RALGAPA2: variants seen among roughly 807,000 people sequenced by gnomAD.
RALGAPA2 encodes ral GTPase-activating protein subunit alpha-2.
RALGAPA2 carries 139 observed loss-of-function variants against 230.4 expected under a neutral mutation model. That is an observed-to-expected ratio of 0.60 (90% CI 0.53 to 0.69). RALGAPA2 has a LOEUF of 0.69. RALGAPA2 is among the 30% of genes least tolerant of loss of function. The pLI is 0.00. For missense variants in RALGAPA2, 2,163 were observed against 2,276.0 expected (o/e 0.95, Z 1.01); for synonymous variants, 847 against 837.8 (o/e 1.01, Z -0.19).
chr20:20,627,039 C>T (rs890271013), intron 10 of RALGAPA2, among the ~76,000 whole-genome samples: 3 of 152,142 alleles, frequency 2.0e-5, no homozygotes, highest in Non-Finnish European at 4.4e-5. Context: ...AATATGACAA[C>T]ATTAATGTAG....
Position 20,451,382 on chromosome 20 carries a change from T to A in RALGAPA2, c.5495+21447A>T, listed in dbSNP as rs2060985307. Among the ~76,000 whole-genome samples, 3 of 152,190 alleles carry A rather than the reference T, an allele frequency of 2.0e-5. No homozygotes were observed. In the South Asian group the frequency reaches 6.2e-4, roughly 32 times the overall value. ...CTCCCCAAAAGACATCTTTTGGGCT[T>A]CCAAAAAGTAATCTATTTTTAAAAA... On this transcript the variant is annotated intron_variant, in intron 37 of 39. Transcript: ENST00000202677.
intron 37 of RALGAPA2, among the ~76,000 whole-genome samples, chr20:20,414,947 G>A (rs142172617): frequency 2.6e-5 from 4 of 152,330 alleles, no homozygotes; most frequent in Admixed American, 2.6e-4. Context: ...ATACATTTTC[G>A]CTCATGGCCC....
chr20:20,490,214 A>C (rs573053688), intron 36 of RALGAPA2, among the ~76,000 whole-genome samples: 23 of 152,312 alleles, frequency 1.5e-4, no homozygotes, highest in African/African-American at 4.6e-4. Context: ...AAAAGGAATA[A>C]TACAAATCCC....
intron 3 of RALGAPA2, among the ~76,000 whole-genome samples, chr20:20,661,774 A>C (rs1168714714): frequency 6.6e-6 from 1 of 152,174 alleles, no homozygotes; most frequent in East Asian, 1.9e-4. Context: ...GACTGACAAT[A>C]AAATACAGAA....
At chr20:20,427,255 C>G (rs1319925629) in intron 37 of RALGAPA2, among the ~76,000 whole-genome samples, 3 of 152,224 alleles carry the variant, frequency 2.0e-5, no homozygotes, top group African/African-American at 4.8e-5. Flanking sequence ...TGAAAGAAAA[C>G]TTACTGTGTT....
chr20:20,437,711 G>A lies in RALGAPA2; in HGVS notation c.5496-25563C>T, dbSNP rs2060646364. Among the ~76,000 whole-genome samples the A allele has an allele frequency of 6.6e-6, 1 of 152,220 alleles. No individual in the cohort carries two copies. Among genetic ancestry groups the A allele is most frequent in the Admixed American group, 6.5e-5 (1 of 15,288 alleles). ...ATGCCAGCTTTTCTCAGGAGGCACT[G>A]TGATCCAGACCCTTCATTCTCCTTT... On this transcript the variant is annotated intron_variant, in intron 37 of 39. Transcript: ENST00000202677. The surrounding 1 kb of genome is among the most constrained non-coding windows in gnomAD (Gnocchi z 4.1).
At chr20:20,551,208 A>T (rs1442152562) in intron 23 of RALGAPA2, among the ~76,000 whole-genome samples, 1 of 152,266 alleles carries the variant, frequency 6.6e-6, no homozygotes, top group Non-Finnish European at 1.5e-5. Context: ...TTTTATAGCA[A>T]GAATTAGTTT....
chr20:20,447,868 C>A (rs900192126), intron 37 of RALGAPA2, among the ~76,000 whole-genome samples: 4 of 152,166 alleles, frequency 2.6e-5, no homozygotes, highest in Admixed American at 2.6e-4. Flanking sequence ...GTGTAGCCAG[C>A]AATGTGCCAG....
At chr20:20,423,735 T>A (rs1051262117) in intron 37 of RALGAPA2, among the ~76,000 whole-genome samples, 3 of 152,180 alleles carry the variant, frequency 2.0e-5, no homozygotes, top group African/African-American at 7.2e-5. Flanking sequence ...AATAAATGAA[T>A]CATTGAAAGT....
intron 16 of RALGAPA2, among the ~76,000 whole-genome samples, chr20:20,597,993 T>C (rs986006446): frequency 2.0e-5 from 3 of 152,202 alleles, no homozygotes; most frequent in African/African-American, 7.2e-5. Context: ...GGCCTAATTA[T>C]TCAATATAGA....
At chr20:20,547,004 C>G (rs2063790925) in intron 23 of RALGAPA2, among the ~76,000 whole-genome samples, 172 bp from the exon 24 acceptor site, 1 of 152,096 alleles carries the variant, frequency 6.6e-6, no homozygotes, top group South Asian at 2.1e-4. Context: ...GATTACTGTA[C>G]CCATTTTAAA....
intron 10 of RALGAPA2, among the ~76,000 whole-genome samples, chr20:20,625,405 CT>C (rs1332839562): frequency 6.6e-6 from 1 of 152,138 alleles, no homozygotes; most frequent in Non-Finnish European, 1.5e-5. Flanking sequence ...TACAGAGAGA[CT>C]TTGTTTATCT....
chr20:20,530,494 A>G (rs2063339820), intron 27 of RALGAPA2, among the ~76,000 whole-genome samples: 1 of 152,144 alleles, frequency 6.6e-6, no homozygotes, highest in Non-Finnish European at 1.5e-5. Flanking sequence ...AACAGGAGGC[A>G]TTGAGTTTGG....
chr20:20,591,037 C>A, intron 17 of RALGAPA2, 140 bp downstream of exon 17: 1 of 1,012,484 alleles, frequency 9.9e-7, no homozygotes, highest in East Asian at 2.8e-5. Flanking sequence ...CCATAAATCA[C>A]ATCCTTCTAA....
Position 20,680,748 on chromosome 20 carries a change from T to C in RALGAPA2, c.160A>G (p.Ile54Val), listed in dbSNP as rs746644836. ...AAATTTTCATAGAAGATGAAATATA[T>C]CTGAGAATAGTTGGTCTCAAAAAAC... ...KQFFETNYSQIYFIFYENFIA... is the reference protein window; with the variant it reads ...KQFFETNYSQVYFIFYENFIA... Residue 54 changes from isoleucine (I) to valine (V), a missense_variant, in exon 2 of 40, where the codon ATA (isoleucine) becomes GTA (valine). Transcript: ENST00000202677. 9 of 1,588,480 alleles carry C rather than the reference T, an allele frequency of 5.7e-6. No individual in the cohort carries two copies. The highest frequency in any genetic ancestry group is 2.3e-5 in the East Asian group (1 of 44,192).
chr20:20,592,768 A>T (rs1432110128), intron 16 of RALGAPA2, among the ~76,000 whole-genome samples: 1 of 152,124 alleles, frequency 6.6e-6, no homozygotes, highest in Non-Finnish European at 1.5e-5. Flanking sequence ...GGCTCACCTT[A>T]AGCAAGAAGT....
chr20:20,667,860 T>C (rs995371079), intron 3 of RALGAPA2, among the ~76,000 whole-genome samples: 10 of 152,210 alleles, frequency 6.6e-5, no homozygotes, highest in African/African-American at 2.2e-4. Context: ...ATGAAAACAG[T>C]AGAATGACAT....
intron 10 of RALGAPA2, among the ~76,000 whole-genome samples, chr20:20,627,810 G>A (rs549096112): frequency 6.6e-6 from 1 of 152,290 alleles, no homozygotes; most frequent in Admixed American, 6.5e-5. Flanking sequence ...TGAAATTAAT[G>A]TTTTTATTTA....
At chr20:20,647,095 A>C (rs1372656753) in intron 4 of RALGAPA2, among the ~76,000 whole-genome samples, 1 of 152,178 alleles carries the variant, frequency 6.6e-6, no homozygotes, top group Non-Finnish European at 1.5e-5. Context: ...TTTAGATTGT[A>C]AGAATTGTCA....
Sources: allele counts gnomAD v4.1 joint callset (sites outside exome capture counted in the v4.1 genomes callset), GRCh38; gene constraint gnomAD v4.1.1; non-coding constraint Gnocchi (gnomAD v3.1); transcripts MANE v1.5; gene names NCBI Gene and HGNC (gene_info 2026-07-23, HGNC 2026-07-21).